The following ARID3A variants were observed in gnomAD, a reference collection of about 807,000 sequenced individuals.
The protein encoded by ARID3A is AT-rich interactive domain-containing protein 3A.
ARID3A carries 11 observed loss-of-function variants against 52.7 expected under a neutral mutation model. The observed-to-expected ratio is 0.21, with a 90% CI of 0.13 to 0.35. ARID3A has a LOEUF of 0.35. ARID3A is among the 10% of genes least tolerant of loss of function. The pLI, the probability that ARID3A is intolerant of heterozygous loss-of-function variation, is 1.00. For synonymous variants in ARID3A, 404 were observed against 359.4 expected (o/e 1.12, Z -1.40); for missense variants, 721 against 838.5 (o/e 0.86, Z 1.73).
intron 3 of ARID3A, among the ~76,000 whole-genome samples, chr19:953,644 G>T (rs1302953783): frequency 6.6e-6 from 1 of 152,228 alleles, no homozygotes; most frequent in African/African-American, 2.4e-5. Context: ...GCTGAGGGGG[G>T]CTGTGGAGGG....
intron 3 of ARID3A, among the ~76,000 whole-genome samples, chr19:957,620 C>A (rs1047804788): frequency 6.6e-6 from 1 of 152,150 alleles, no homozygotes; most frequent in South Asian, 2.1e-4. Flanking sequence ...ACGTGAGGAT[C>A]GAGGGAGCCC....
intron 3 of ARID3A, among the ~76,000 whole-genome samples, chr19:953,332 C>T (rs1265321392): frequency 2.6e-5 from 4 of 152,044 alleles, no homozygotes; most frequent in Non-Finnish European, 5.9e-5. Flanking sequence ...TGGGGGGTGG[C>T]GGTTATCTCA....
At chr19:931,515 A>G (rs1391660989) in intron 2 of ARID3A, among the ~76,000 whole-genome samples, 2 of 151,344 alleles carry the variant, frequency 1.3e-5, no homozygotes, top group African/African-American at 2.4e-5. Context: ...ATCAGGTTGT[A>G]CAAACAGCTG....
intron 3 of ARID3A, among the ~76,000 whole-genome samples, chr19:936,550 TAAG>T (rs910503766): frequency 1.3e-5 from 2 of 150,978 alleles, no homozygotes; most frequent in African/African-American, 4.9e-5. Flanking sequence ...CTCGAAAAAA[TAAG>T]AAGGATAGGG....
At chr19:939,040 C>T (rs2037491865) in intron 3 of ARID3A, among the ~76,000 whole-genome samples, 2 of 151,004 alleles carry the variant, frequency 1.3e-5, no homozygotes, top group South Asian at 4.2e-4. Context: ...AAGTCATTCT[C>T]CTGCCTCAGC....
chr19:937,766 G>A (rs1260792632), intron 3 of ARID3A, among the ~76,000 whole-genome samples: 6 of 147,788 alleles, frequency 4.1e-5, no homozygotes, highest in Non-Finnish European at 7.4e-5. Flanking sequence ...GAGTGCAATG[G>A]GGCGATCTCG....
chr19:952,822 T>C (rs1013503592), intron 3 of ARID3A, among the ~76,000 whole-genome samples: 3 of 152,112 alleles, frequency 2.0e-5, no homozygotes, highest in Non-Finnish European at 4.4e-5. Context: ...CCTGGGCCTC[T>C]GGGCCCAAGG....
Position 944,651 on chromosome 19 carries a change from G to A in ARID3A, c.693+11909G>A, listed in dbSNP as rs987345760. Reference sequence around the variant, plus strand: ...TTTTCGGGGGTGGATTTTGAGACAGGGTCTCGTGCTGTCACCCAGGCTGGA... The same window carrying A: ...TTTTCGGGGGTGGATTTTGAGACAGAGTCTCGTGCTGTCACCCAGGCTGGA... On this transcript the variant is annotated intron_variant, in intron 3 of 8. Transcript: ENST00000263620. The surrounding 1 kb of genome is among the most constrained non-coding windows in gnomAD (Gnocchi z 5.9). 6.6e-6 allele frequency among the ~76,000 whole-genome samples: 1 copy of A among 152,078 alleles called. No individual in the cohort carries two copies. Among genetic ancestry groups the A allele is most frequent in the Non-Finnish European group, 1.5e-5 (1 of 67,996 alleles).
rs1031618901 is a variant in ARID3A, at chr19:929,516, G to C, written c.-13G>C. 7.4e-7 allele frequency: 1 copy of C among 1,342,694 alleles called. No homozygotes were observed. The highest frequency in any genetic ancestry group is 9.7e-7 in the Non-Finnish European group (1 of 1,028,124). 83.2% of individuals were successfully genotyped at this position (1,342,694 alleles called of 1,614,324 possible). A position where few individuals can be genotyped will look rare whatever the true frequency, so the allele number is the denominator to read the frequency against. ...GTGGTGGTGGTGGTGGTGGTGGCCC[G>C]GGCCGCAGGGCCATGAAACTACAGG... On this transcript the variant is annotated 5_prime_UTR_variant, in exon 2 of 9. Transcript: ENST00000263620. This position sits in a 1 kb window ranked among gnomAD's most constrained non-coding sequence, Gnocchi z 6.2.
At chr19:934,764 C>T (rs1242486507) in intron 3 of ARID3A, among the ~76,000 whole-genome samples, 2 of 152,122 alleles carry the variant, frequency 1.3e-5, no homozygotes, top group Non-Finnish European at 2.9e-5. Flanking sequence ...GGCCCCCGCC[C>T]TGCAGTCCTG....
chr19:958,555 G>A (rs2037971502), intron 3 of ARID3A, among the ~76,000 whole-genome samples: 1 of 152,166 alleles, frequency 6.6e-6, no homozygotes. Context: ...ATCACGTGTT[G>A]ACACTTTGGT....
At chr19:949,194 C>A (rs1599404852) in intron 3 of ARID3A, among the ~76,000 whole-genome samples, 1 of 139,318 alleles carries the variant, frequency 7.2e-6, no homozygotes, top group Non-Finnish European at 1.5e-5. Context: ...GAGCAGGGCC[C>A]CAGGGGTGTG....
intron 8 of ARID3A, among the ~76,000 whole-genome samples, chr19:970,784 G>A (rs1359150423): frequency 6.6e-6 from 1 of 151,922 alleles, no homozygotes; most frequent in African/African-American, 2.4e-5. Flanking sequence ...TAAATGAATA[G>A]TTTTTCTTAA....
chr19:929,508 G>A lies in ARID3A; in HGVS notation c.-21G>A. 2 of 1,504,792 alleles carry A rather than the reference G, an allele frequency of 1.3e-6. No homozygotes were observed. 93.2% of individuals were successfully genotyped at this position (1,504,792 alleles called of 1,614,324 possible). On this transcript the variant is annotated 5_prime_UTR_variant, in exon 2 of 9. Transcript: ENST00000263620. The surrounding 1 kb of genome is among the most constrained non-coding windows in gnomAD (Gnocchi z 6.2). ...TGGTGGTGGTGGTGGTGGTGGTGGT[G>A]GTGGCCCGGGCCGCAGGGCCATGAA...
rs2038112132 is a variant in ARID3A, at chr19:964,776, C to G, written c.951-57C>G. On this transcript the variant is annotated intron_variant, in intron 5 of 8. Transcript: ENST00000263620. The surrounding 1 kb of genome is among the most constrained non-coding windows in gnomAD (Gnocchi z 5.7). ...GTGGGGTTTACTTTGTACTGAAGGC[C>G]AAAGAGAGCCGTAGGGGTGACCCGG... 5.7e-6 allele frequency: 9 copies of G among 1,573,580 alleles called. No homozygotes were observed. Among genetic ancestry groups the G allele is most frequent in the Non-Finnish European group, 6.9e-6 (8 of 1,156,440 alleles).
chr19:933,785 G>A (rs1299130963), intron 3 of ARID3A, among the ~76,000 whole-genome samples: 2 of 145,098 alleles, frequency 1.4e-5, no homozygotes, highest in African/African-American at 5.0e-5. Flanking sequence ...CTCACAAATA[G>A]TAAAGAGCTG....
chr19:940,928 G>C (rs10404332), intron 3 of ARID3A, among the ~76,000 whole-genome samples: 35,073 of 151,824 alleles, frequency 0.23, 5,086 homozygotes, highest in East Asian at 0.47. Flanking sequence ...GGGTGGGTGG[G>C]TGCCCGCCAG....
intron 3 of ARID3A, among the ~76,000 whole-genome samples, chr19:946,127 G>A (rs1422593846): frequency 4.6e-5 from 7 of 152,200 alleles, no homozygotes; most frequent in Non-Finnish European, 8.8e-5. Flanking sequence ...CCGGTCTGGG[G>A]GGCGGGGACC....
At chr19:970,394 C>T (rs1599431294) in intron 8 of ARID3A, among the ~76,000 whole-genome samples, 1 of 152,018 alleles carries the variant, frequency 6.6e-6, no homozygotes, top group African/African-American at 2.4e-5. Flanking sequence ...CGCCTGTAAT[C>T]CCAACACTTT....
Sources: gnomAD v4.1 joint callset for allele counts (sites outside exome capture counted in the v4.1 genomes callset) on GRCh38, gnomAD v4.1.1 for gene constraint, Gnocchi (gnomAD v3.1) non-coding constraint, MANE v1.5 for transcripts, NCBI Gene and HGNC (gene_info 2026-07-23, HGNC 2026-07-21) for gene names.